The following DPP6 variants were observed in gnomAD, a reference collection of about 807,000 sequenced individuals.
DPP6 encodes A-type potassium channel modulatory protein DPP6.
Under a neutral mutation model 122.6 loss-of-function variants are expected in DPP6, and 69 were observed. That is an observed-to-expected ratio of 0.56 (90% CI 0.46 to 0.69). The LOEUF (loss-of-function observed/expected upper bound fraction) is 0.69, where lower values mean the gene tolerates loss of function less well. Among genes scored for constraint, DPP6 ranks in the 30% least tolerant of loss-of-function variants. DPP6 has a pLI of 0.00. For missense variants in DPP6, 928 were observed against 1,116.9 expected (o/e 0.83, Z 2.41); for synonymous variants, 418 against 433.1 (o/e 0.97, Z 0.43).
chr7:154,778,683 C>T (rs1450911214), intron 10 of DPP6, among the ~76,000 whole-genome samples: 1 of 151,370 alleles, frequency 6.6e-6, no homozygotes, highest in Non-Finnish European at 1.5e-5. Context: ...ACCACCTTCA[C>T]CACCAGCTCC....
upstream of DPP6, among the ~76,000 whole-genome samples, chr7:153,886,845 C>G (rs1201986302): frequency 1.3e-5 from 2 of 152,178 alleles, no homozygotes; most frequent in African/African-American, 4.8e-5. Flanking sequence ...TGGCTCTTCC[C>G]GGCCTCTCCC....
chr7:153,808,332 CAT>C, the DPP6 span, among the ~76,000 whole-genome samples: 2 of 146,346 alleles, frequency 1.4e-5, no homozygotes, highest in South Asian at 2.2e-4. Context: ...TGTCTGTGTG[CAT>C]ATGTGTTTGC....
chr7:154,699,345 G>A (rs1840389103), intron 7 of DPP6, among the ~76,000 whole-genome samples: 1 of 152,122 alleles, frequency 6.6e-6, no homozygotes, highest in Non-Finnish European at 1.5e-5. Flanking sequence ...GCAGTCAGAG[G>A]GTGACTTCTG....
intron 8 of DPP6, among the ~76,000 whole-genome samples, chr7:154,765,525 G>A (rs1243611851): frequency 1.3e-5 from 2 of 152,104 alleles, no homozygotes; most frequent in African/African-American, 4.8e-5. Context: ...TTCTCCTACT[G>A]GATATGACCT....
At chr7:153,907,947 G>A (rs192109468) in intron 1 of DPP6, among the ~76,000 whole-genome samples, 48 of 152,112 alleles carry the variant, frequency 3.2e-4, no homozygotes, top group African/African-American at 2.4e-5. Context: ...ATATCTGGAG[G>A]GCTTTTATGG....
chr7:154,012,895 C>G (rs1429777859), intron 1 of DPP6, among the ~76,000 whole-genome samples: 1 of 152,138 alleles, frequency 6.6e-6, no homozygotes, highest in African/African-American at 2.4e-5. Context: ...GTGTTTTCTT[C>G]TGGAGGCAGT....
chr7:153,843,079 C>A, the DPP6 span, among the ~76,000 whole-genome samples: 1 of 146,746 alleles, frequency 6.8e-6, no homozygotes, highest in Non-Finnish European at 1.5e-5. Context: ...TACACACGTG[C>A]GCACACACAC....
At chr7:153,811,262 T>C in the DPP6 span, among the ~76,000 whole-genome samples, 392 of 152,332 alleles carry the variant, frequency 2.6e-3, 11 homozygotes, top group East Asian at 0.056. Flanking sequence ...CATTTCATTC[T>C]GATCAATGTC....
chr7:153,855,934 C>A, the DPP6 span, among the ~76,000 whole-genome samples: 1 of 152,130 alleles, frequency 6.6e-6, no homozygotes, highest in African/African-American at 2.4e-5. Flanking sequence ...TCTAGGGTTT[C>A]TCCCAACTAT....
chr7:154,737,635 A>T (rs1355819250), intron 8 of DPP6, among the ~76,000 whole-genome samples: 1 of 152,232 alleles, frequency 6.6e-6, no homozygotes. Context: ...ACAAACAACC[A>T]GTAGGGAGCC....
At chr7:154,651,925 C>T (rs192974504) in intron 6 of DPP6, among the ~76,000 whole-genome samples, 11 of 152,224 alleles carry the variant, frequency 7.2e-5, no homozygotes, top group Admixed American at 4.6e-4. Flanking sequence ...CTGAATAACA[C>T]GATGATTTCA....
In DPP6 at chr7:154,801,561, C is replaced by A. The variant is rs567965958; in HGVS notation, c.1407+99C>A. 2.2e-5 allele frequency: 32 copies of A among 1,431,986 alleles called. No individual in the cohort carries two copies. The East Asian group carries it at 7.8e-4, about 35-fold the overall frequency. 88.7% of individuals were successfully genotyped at this position (1,431,986 alleles called of 1,614,324 possible). On this transcript the variant is annotated intron_variant, in intron 13 of 25. Transcript: ENST00000377770. ...CTGGGCACACTTGCGTTTTCGAGGA[C>A]CCCAAGGAATCTGAAGGTGGTTCCC...
At chr7:154,331,518 G>A (rs1808940750) in intron 1 of DPP6, among the ~76,000 whole-genome samples, 1 of 152,184 alleles carries the variant, frequency 6.6e-6, no homozygotes. Context: ...TCAGCTGATG[G>A]TCACACTCAT....
intron 1 of DPP6, among the ~76,000 whole-genome samples, chr7:154,380,850 C>T (rs1813533719): frequency 6.6e-6 from 1 of 152,320 alleles, no homozygotes; most frequent in South Asian, 2.1e-4. Context: ...CAGTTCTGGG[C>T]ACAACTTGCC....
chr7:154,822,665 G>GC (rs1563250342), intron 16 of DPP6, among the ~76,000 whole-genome samples: 1 of 152,210 alleles, frequency 6.6e-6, no homozygotes, highest in East Asian at 1.9e-4. Flanking sequence ...GACAGTGTCA[G>GC]CCCCCCGCCC....
chr7:154,288,180 T>A (rs1041212704), intron 1 of DPP6, among the ~76,000 whole-genome samples: 7 of 152,204 alleles, frequency 4.6e-5, no homozygotes, highest in Non-Finnish European at 7.3e-5. Context: ...TCATTCCTGA[T>A]TCCTCCTCCA....
the DPP6 span, among the ~76,000 whole-genome samples, chr7:153,812,815 A>G: frequency 1.3e-5 from 2 of 152,140 alleles, no homozygotes; most frequent in South Asian, 4.1e-4. Flanking sequence ...AGACCAACAA[A>G]TCGCCCTATG....
At chr7:153,803,670 A>G in the DPP6 span, among the ~76,000 whole-genome samples, 4 of 151,332 alleles carry the variant, frequency 2.6e-5, no homozygotes, top group East Asian at 1.9e-4. Flanking sequence ...CCATATATAT[A>G]TGTGTATATA....
At chr7:154,430,162 G>A (rs1382985872) in intron 1 of DPP6, among the ~76,000 whole-genome samples, 1 of 152,108 alleles carries the variant, frequency 6.6e-6, no homozygotes, top group South Asian at 2.1e-4. Context: ...GCTTAAACAC[G>A]CTGCTGCCTC....
Sources: gnomAD v4.1 joint callset for allele counts (sites outside exome capture counted in the v4.1 genomes callset) on GRCh38, gnomAD v4.1.1 for gene constraint, MANE v1.5 for transcripts, NCBI Gene and HGNC (gene_info 2026-07-23, HGNC 2026-07-21) for gene names.